The following PAPPA variants were observed in gnomAD, a reference collection of about 807,000 sequenced individuals.
The protein encoded by PAPPA is pappalysin 1.
In PAPPA, 60 loss-of-function variants were observed where a neutral mutation model predicts 164.0. That is an observed-to-expected ratio of 0.37 (90% CI 0.30 to 0.45). PAPPA has a LOEUF of 0.45. Ranked by LOEUF, PAPPA falls within the 20% of genes least tolerant of loss-of-function variation. The pLI is 1.00. For missense variants in PAPPA, 1,782 were observed against 2,087.3 expected (o/e 0.85, Z 2.85); for synonymous variants, 875 against 814.1 (o/e 1.07, Z -1.27).
intron 9 of PAPPA, among the ~76,000 whole-genome samples, chr9:116,277,017 T>C (rs1845208039): frequency 6.6e-6 from 1 of 152,024 alleles, no homozygotes; most frequent in Admixed American, 6.6e-5. Context: ...GTCTTCTTGG[T>C]GGAGGTTCCG....
At chr9:116,337,422 G>A (rs879509205) in intron 13 of PAPPA, among the ~76,000 whole-genome samples, 1 of 152,074 alleles carries the variant, frequency 6.6e-6, no homozygotes, top group Admixed American at 6.6e-5. Context: ...AAACAAGGGA[G>A]GAAAGGAAAG....
At chr9:116,319,584 C>G (rs908397581) in intron 10 of PAPPA, among the ~76,000 whole-genome samples, 1 of 152,104 alleles carries the variant, frequency 6.6e-6, no homozygotes, top group African/African-American at 2.4e-5. Context: ...AGGATGGTGT[C>G]CATGGAGGTG....
Position 116,265,946 on chromosome 9 carries a change from T to C in PAPPA, c.2822T>C (p.Ile941Thr). ...GAGCCATCACCTGCTGTCACATACATCCATGGAAGTGGGTACTGTGGCGAT... is the reference window on the plus strand; with the variant it reads ...GAGCCATCACCTGCTGTCACATACACCCATGGAAGTGGGTACTGTGGCGAT... Reference protein sequence around the residue: ...ESEPSPAVTYIHGSGYCGDGI... With the variant: ...ESEPSPAVTYTHGSGYCGDGI... Residue 941 changes from isoleucine (I) to threonine (T), a missense_variant, in exon 8 of 22, where the codon ATC becomes ACC. By Grantham distance (89) the Ile-to-Thr change is moderately conservative. This residue lies in a region of PAPPA where 1,324 missense variants were observed against 1,656.9 expected (regional missense o/e 0.80). Coordinates refer to ENST00000328252, the MANE Select transcript of PAPPA (RefSeq NM_002581.5). The C allele has an allele frequency of 6.2e-7, 1 of 1,613,092 alleles. No homozygotes were observed. Among genetic ancestry groups the C allele is most frequent in the South Asian group, 1.1e-5 (1 of 91,038 alleles).
intron 10 of PAPPA, among the ~76,000 whole-genome samples, chr9:116,329,402 A>T (rs956097985): frequency 6.6e-6 from 1 of 152,222 alleles, no homozygotes. Flanking sequence ...CCACCTATGT[A>T]TAACAGGTGT....
chr9:116,306,740 C>G (rs2118899170), intron 10 of PAPPA, among the ~76,000 whole-genome samples: 1 of 152,310 alleles, frequency 6.6e-6, no homozygotes, highest in South Asian at 2.1e-4. Flanking sequence ...TCACATTTCT[C>G]TAATGCTTTA....
At chr9:116,362,507 A>T in intron 17 of PAPPA, 85 bp from the exon 18 acceptor site, 7 of 1,436,142 alleles carry the variant, frequency 4.9e-6, no homozygotes, top group Non-Finnish European at 6.6e-6. Flanking sequence ...AGAGATGAAA[A>T]ATTCTTTTCT....
At position 116,302,702 on chromosome 9, in the gene PAPPA, G is replaced by A. The variant is rs1845593956; in HGVS notation, c.2954-55G>A. ...CTCTGCAGCTGCTGATGATTGCTGAGGCCAAAGAACAAATATTTATTTATT... is the reference window on the plus strand; with the variant it reads ...CTCTGCAGCTGCTGATGATTGCTGAAGCCAAAGAACAAATATTTATTTATT... On this transcript the variant is annotated intron_variant, in intron 9 of 21. Transcript: ENST00000328252. 2.7e-6 allele frequency: 4 copies of A among 1,469,410 alleles called. No homozygotes were observed. The South Asian group carries it at 5.0e-5, about 19-fold the overall frequency. 91.0% of individuals were successfully genotyped at this position (1,469,410 alleles called of 1,614,324 possible).
At chr9:116,212,577 A>G (rs1414248725) in intron 4 of PAPPA, among the ~76,000 whole-genome samples, 1 of 152,178 alleles carries the variant, frequency 6.6e-6, no homozygotes, top group Non-Finnish European at 1.5e-5. Context: ...GGCCAGCATC[A>G]AATTCTGTTA....
intron 14 of PAPPA, among the ~76,000 whole-genome samples, chr9:116,345,705 C>T (rs1846198802): frequency 6.6e-6 from 1 of 152,090 alleles, no homozygotes; most frequent in Non-Finnish European, 1.5e-5. Flanking sequence ...CAGGGAGACC[C>T]CCTCCCTCAG....
At chr9:116,377,230 C>T (rs1221825269) in intron 19 of PAPPA, among the ~76,000 whole-genome samples, 5 of 151,800 alleles carry the variant, frequency 3.3e-5, no homozygotes, top group African/African-American at 9.7e-5. Flanking sequence ...ACACACCCCT[C>T]CTCCCCCCAC....
rs188096638 is a variant in PAPPA, at chr9:116,321,510, A to T, written c.3148-9734A>T. On this transcript the variant is annotated intron_variant, in intron 10 of 21. Coordinates refer to ENST00000328252, the MANE Select transcript of PAPPA (RefSeq NM_002581.5). ...TCCCCATAGTGTTTTGTTGAGAAGG[A>T]TTTAGAGGCCTACCTTCAGGGATGC... 3.9e-5 allele frequency among the ~76,000 whole-genome samples: 6 copies of T among 152,276 alleles called. No individual in the cohort carries two copies. In the East Asian group the frequency reaches 1.2e-3, roughly 29 times the overall value.
chr9:116,288,355 C>T (rs536667967), intron 9 of PAPPA, among the ~76,000 whole-genome samples: 31 of 152,024 alleles, frequency 2.0e-4, no homozygotes, highest in African/African-American at 6.8e-4. Context: ...GGTGACAGAG[C>T]GCACTCAAGC....
In PAPPA at chr9:116,234,407, A is replaced by G. The variant is rs539576695; in HGVS notation, c.2234-732A>G. 2.0e-5 allele frequency among the ~76,000 whole-genome samples: 3 copies of G among 152,188 alleles called. No homozygotes were observed. The South Asian group carries it at 6.2e-4, about 32-fold the overall frequency. On this transcript the variant is annotated intron_variant, in intron 6 of 21. Coordinates refer to ENST00000328252, the MANE Select transcript of PAPPA (RefSeq NM_002581.5). ...ACTGCATGTAGAGAAGGGGAGGAGG[A>G]GAGATAAGAGGGCTCCAAGGCTGCC...
At chr9:116,264,135 C>A (rs1016238804) in intron 7 of PAPPA, among the ~76,000 whole-genome samples, 1 of 152,178 alleles carries the variant, frequency 6.6e-6, no homozygotes, top group African/African-American at 2.4e-5. Flanking sequence ...TGTGTATCCC[C>A]TGGGATTGTT....
At chr9:116,363,774 T>C (rs1482759585) in intron 18 of PAPPA, among the ~76,000 whole-genome samples, 2 of 152,204 alleles carry the variant, frequency 1.3e-5, no homozygotes, top group Non-Finnish European at 2.9e-5. Flanking sequence ...TCACTGCATG[T>C]CCAGAAGCAA....
At chr9:116,188,540 G>A (rs1430604380) in intron 2 of PAPPA, among the ~76,000 whole-genome samples, 1 of 152,192 alleles carries the variant, frequency 6.6e-6, no homozygotes, top group Non-Finnish European at 1.5e-5. Flanking sequence ...GAGTGGGTGA[G>A]AGTTGCACAG....
chr9:116,400,033 G>GAAAGAAAGAAAGAAAAAT lies in PAPPA; in HGVS notation c.*3432_*3433insAATAAAGAAAGAAAGAAA, dbSNP rs1847026645. 7.0e-6 allele frequency: 1 copy of GAAAGAAAGAAAGAAAAAT among 142,410 alleles called. No individual in the cohort carries two copies. The highest frequency in any genetic ancestry group is 1.6e-5 in the Non-Finnish European group (1 of 62,734). 8.8% of individuals were successfully genotyped at this position (142,410 alleles called of 1,614,324 possible). A position where few individuals can be genotyped will look rare whatever the true frequency, so the allele number is the denominator to read the frequency against. The stretch of plus-strand genomic sequence containing the variant: ...CTTACCTGTGTGAAAGAAAGAAAAA[G>GAAAGAAAGAAAGAAAAAT]AAAGAAAGAAAGAAAGAGAAAGGAA... On this transcript the variant is annotated 3_prime_UTR_variant, in exon 22 of 22. Transcript: ENST00000328252.
chr9:116,396,938 C>A lies in PAPPA; in HGVS notation c.*322C>A. The A allele has an allele frequency of 2.9e-6, 1 of 350,578 alleles. No individual in the cohort carries two copies. 21.7% of individuals were successfully genotyped at this position (350,578 alleles called of 1,614,324 possible). A position where few individuals can be genotyped will look rare whatever the true frequency, so the allele number is the denominator to read the frequency against. On this transcript the variant is annotated 3_prime_UTR_variant, in exon 22 of 22. Transcript: ENST00000328252. Reference sequence around the variant, plus strand: ...AAACGTGTTCTATATCTAGAGTGTGCCCATCTGTGTTTAGTACACATGCAT... The same window carrying A: ...AAACGTGTTCTATATCTAGAGTGTGACCATCTGTGTTTAGTACACATGCAT...
intron 2 of PAPPA, among the ~76,000 whole-genome samples, chr9:116,206,095 C>T (rs1844231963): frequency 6.6e-6 from 1 of 152,128 alleles, no homozygotes; most frequent in Non-Finnish European, 1.5e-5. Context: ...ATGAGATTTC[C>T]AGCCTAAGAA....
Sources: allele counts gnomAD v4.1 joint callset (sites outside exome capture counted in the v4.1 genomes callset), GRCh38; gene constraint gnomAD v4.1.1; regional missense constraint gnomAD v4.1.1; transcripts MANE v1.5; gene names NCBI Gene and HGNC (gene_info 2026-07-23, HGNC 2026-07-21).